Variants in MANBA observed in about 807,000 individuals in gnomAD.
MANBA encodes the protein beta-mannosidase.
MANBA carries 83 observed loss-of-function variants against 111.1 expected under a neutral mutation model. The observed-to-expected ratio is 0.75, with a 90% confidence interval of 0.63 to 0.90. MANBA has a LOEUF of 0.90. Among genes scored for constraint, MANBA ranks in the 40% least tolerant of loss-of-function variants. The probability of loss-of-function intolerance (pLI) is 0.00; values close to 1 mark genes in which losing one functional copy is unlikely to be tolerated. For missense variants in MANBA, 1,036 were observed against 1,069.0 expected (o/e 0.97, Z 0.43); for synonymous variants, 370 against 378.7 (o/e 0.98, Z 0.27).
chr4:102,733,502 T>G (rs1195953412), intron 1 of MANBA, among the ~76,000 whole-genome samples: 1 of 152,128 alleles, frequency 6.6e-6, no homozygotes, highest in Admixed American at 6.6e-5. Flanking sequence ...TACAGATGTA[T>G]GCCACCACTC....
intron 3 of MANBA, 107 bp from the exon 4 acceptor site, chr4:102,723,148 T>A: frequency 9.9e-7 from 1 of 1,015,114 alleles, no homozygotes; most frequent in Non-Finnish European, 1.5e-6. Flanking sequence ...ATAATGCCGA[T>A]CTAGGTTTAG....
chr4:102,749,000 A>C (rs1723687071), intron 1 of MANBA, among the ~76,000 whole-genome samples: 1 of 152,114 alleles, frequency 6.6e-6, no homozygotes, highest in African/African-American at 2.4e-5. Context: ...TTTTTAAAAA[A>C]AAGAAAACAA....
chr4:102,650,564 T>C lies in MANBA; in HGVS notation c.1842A>G (p.Thr614=). The C allele has an allele frequency of 1.2e-6, 2 of 1,613,468 alleles. No homozygotes were observed. The highest frequency in any genetic ancestry group is 8.5e-7 in the Non-Finnish European group (1 of 1,179,412). ...KLPQSTDPLR[T]FKDTIYLTQV... ...GAGTAAGGTAGATGGTATCTTTAAATGTGCGTAATGGATCTGTGCTTTGGG... is the reference window on the plus strand; with the variant it reads ...GAGTAAGGTAGATGGTATCTTTAAACGTGCGTAATGGATCTGTGCTTTGGG... Residue 614 remains threonine, a synonymous_variant, in exon 13 of 17, where the codon ACA becomes ACG. Transcript: ENST00000647097.
At chr4:102,718,484 C>G (rs1040724065) in intron 4 of MANBA, among the ~76,000 whole-genome samples, 5 of 152,116 alleles carry the variant, frequency 3.3e-5, no homozygotes, top group African/African-American at 1.2e-4. Flanking sequence ...TTTAGGAGAA[C>G]AAGGATGTGG....
rs776873312 is a variant in MANBA, at chr4:102,664,700, T to C, written c.1470A>G (p.Arg490=). The C allele has an allele frequency of 6.2e-7, 1 of 1,612,746 alleles. No individual in the cohort carries two copies. Among genetic ancestry groups the C allele is most frequent in the Non-Finnish European group, 8.5e-7 (1 of 1,178,672 alleles). The change falls in exon 11 of 17, where the codon AGA becomes AGG. Residue 490 remains arginine, a synonymous_variant. Coordinates refer to ENST00000647097, the MANE Select transcript of MANBA (RefSeq NM_005908.4). ...DYVTLYVKNI[R]ELVLAGDKSR... ...CATTACTTACTGCCAGTACGAGCTCTCTGATGTTTTTCACATAGAGTGTCA... is the reference window on the plus strand; with the variant it reads ...CATTACTTACTGCCAGTACGAGCTCCCTGATGTTTTTCACATAGAGTGTCA...
At chr4:102,674,778 A>T (rs1731654634) in intron 7 of MANBA, among the ~76,000 whole-genome samples, 1 of 152,208 alleles carries the variant, frequency 6.6e-6, no homozygotes, top group South Asian at 2.1e-4. Context: ...AAGCTTTGAC[A>T]TTTTTATCAA....
intron 12 of MANBA, among the ~76,000 whole-genome samples, chr4:102,653,322 G>T (rs1730424993): frequency 6.6e-6 from 1 of 151,518 alleles, no homozygotes; most frequent in Non-Finnish European, 1.5e-5. Context: ...AATTCAGAAA[G>T]ATTAAATAAT....
intron 12 of MANBA, 74 bp downstream of exon 12, chr4:102,657,608 G>T: frequency 8.4e-7 from 1 of 1,191,012 alleles, no homozygotes; most frequent in Non-Finnish European, 1.2e-6. Flanking sequence ...ATGATTTTCT[G>T]AACCAGTGAT....
intron 10 of MANBA, chr4:102,667,917 A>G (rs1731299212): frequency 6.6e-6 from 1 of 152,140 alleles, no homozygotes; most frequent in Admixed American, 6.5e-5. Context: ...AACTCTTTAC[A>G]AGGTAGGGGT....
In MANBA at chr4:102,678,320, G is replaced by C. The variant is rs777752155; in HGVS notation, c.961-4250C>G. Among the ~76,000 whole-genome samples, 19 of 152,048 alleles carry C rather than the reference G, an allele frequency of 1.2e-4. No individual in the cohort carries two copies. In the East Asian group the frequency reaches 3.3e-3, roughly 26 times the overall value. ...CTGGGCATTCTTTCACAAGTGAAAG[G>C]CTCCCGCTTCTATGATAAGTGTCAG... On this transcript the variant is annotated intron_variant, in intron 7 of 16. Coordinates refer to ENST00000647097, the MANE Select transcript of MANBA (RefSeq NM_005908.4).
intron 1 of MANBA, among the ~76,000 whole-genome samples, chr4:102,739,075 A>C (rs1214156106): frequency 6.6e-6 from 1 of 152,218 alleles, no homozygotes; most frequent in Non-Finnish European, 1.5e-5. Context: ...ATTAATCAAG[A>C]AGAGAGAAGA....
chr4:102,755,191 G>T (rs573231118), intron 1 of MANBA, among the ~76,000 whole-genome samples: 1 of 152,262 alleles, frequency 6.6e-6, no homozygotes, highest in African/African-American at 2.4e-5. Flanking sequence ...GAACAAAGCT[G>T]GAGGCATCAC....
intron 5 of MANBA, among the ~76,000 whole-genome samples, chr4:102,692,687 G>A (rs1206528612): frequency 6.6e-6 from 1 of 152,150 alleles, no homozygotes; most frequent in African/African-American, 2.4e-5. Flanking sequence ...AGCAGTGACT[G>A]TGCAGAGGCA....
At chr4:102,739,518 T>G (rs1723331038) in intron 1 of MANBA, among the ~76,000 whole-genome samples, 1 of 152,212 alleles carries the variant, frequency 6.6e-6, no homozygotes, top group East Asian at 1.9e-4. Context: ...TACAGACCAA[T>G]ATCCCTGATG....
chr4:102,653,220 GCACACACACACACACACACACACACACA>G (rs71596357), intron 12 of MANBA, among the ~76,000 whole-genome samples: 2 of 145,510 alleles, frequency 1.4e-5, no homozygotes, highest in Non-Finnish European at 3.0e-5. Context: ...AGATCTACAT[GCACACACACACACACACACACACACACA>G]CACACACACA....
chr4:102,723,024 G>A lies in MANBA; in HGVS notation c.396C>T (p.Asn132=), dbSNP rs766422175. Reference sequence around the variant, plus strand: ...CAATGGAGTTCACGTCCCTGACCACGTTGGTAATATCAAAGCTCTAAGTTA... The same window carrying A: ...CAATGGAGTTCACGTCCCTGACCACATTGGTAATATCAAAGCTCTAAGTTA... ...MFNRYSFDIT[N]VVRDVNSIEL... The change falls in exon 4 of 17, where the codon AAC becomes AAT. Residue 132 remains asparagine (N), a synonymous_variant. Transcript: ENST00000647097. 19 of 1,613,794 alleles carry A rather than the reference G, an allele frequency of 1.2e-5. No homozygotes were observed. The highest frequency in any genetic ancestry group is 1.6e-4 in the Middle Eastern group (1 of 6,084).
chr4:102,678,130 C>T (rs1731805597), intron 7 of MANBA, among the ~76,000 whole-genome samples: 1 of 152,136 alleles, frequency 6.6e-6, no homozygotes, highest in South Asian at 2.1e-4. Context: ...TACAACATAA[C>T]ACTTTCCAGA....
intron 1 of MANBA, chr4:102,751,252 G>C (rs1578960932): frequency 3.5e-6 from 1 of 289,156 alleles, no homozygotes; most frequent in East Asian, 7.9e-5. Flanking sequence ...GGGTGGAGCA[G>C]ACCCAAGGAG....
At chr4:102,641,296 A>G (rs919662333) in intron 13 of MANBA, among the ~76,000 whole-genome samples, 1 of 152,212 alleles carries the variant, frequency 6.6e-6, no homozygotes, top group African/African-American at 2.4e-5. Context: ...ATGGAAGAGA[A>G]GCTGGTGAGA....
Sources: gnomAD v4.1 joint callset for allele counts (sites outside exome capture counted in the v4.1 genomes callset) on GRCh38, gnomAD v4.1.1 for gene constraint, MANE v1.5 for transcripts, NCBI Gene and HGNC (gene_info 2026-07-23, HGNC 2026-07-21) for gene names.